Variants in ADCY8 observed in about 807,000 individuals in gnomAD.
The protein encoded by ADCY8 is adenylate cyclase type 8.
Under a neutral mutation model 119.7 loss-of-function variants are expected in ADCY8, and 51 were observed. That is an observed-to-expected ratio of 0.43 (90% CI 0.34 to 0.54). ADCY8 has a LOEUF of 0.54. Among genes scored for constraint, ADCY8 ranks in the 20% least tolerant of loss-of-function variants. ADCY8 has a pLI of 0.03. For synonymous variants in ADCY8, 665 were observed against 651.0 expected (o/e 1.02, Z -0.33); for missense variants, 1,383 against 1,598.8 (o/e 0.87, Z 2.30).
chr8:130,939,095 T>TG (rs955426240), intron 4 of ADCY8, among the ~76,000 whole-genome samples: 1 of 122,802 alleles, frequency 8.1e-6, no homozygotes, highest in African/African-American at 3.0e-5. Flanking sequence ...TAGGGTACAT[T>TG]TTTTTTTTTT....
intron 2 of ADCY8, among the ~76,000 whole-genome samples, chr8:130,964,184 C>G (rs1821693350): frequency 6.6e-6 from 1 of 152,256 alleles, no homozygotes. Context: ...GTGGTAGACG[C>G]TCTCTTGGCT....
At chr8:131,038,029 G>A in intron 1 of ADCY8, among the ~76,000 whole-genome samples, 1 of 152,094 alleles carries the variant, frequency 6.6e-6, no homozygotes, top group East Asian at 1.9e-4. Flanking sequence ...TTTACCCAGA[G>A]AGACTTCAGA....
At chr8:131,018,288 T>C (rs1316215732) in intron 1 of ADCY8, among the ~76,000 whole-genome samples, 2 of 152,222 alleles carry the variant, frequency 1.3e-5, no homozygotes, top group African/African-American at 4.8e-5. Context: ...AATGCTCGTA[T>C]TCAACTTTAT....
intron 16 of ADCY8, among the ~76,000 whole-genome samples, chr8:130,784,620 G>T (rs1003465457): frequency 3.9e-5 from 6 of 152,180 alleles, no homozygotes; most frequent in African/African-American, 1.4e-4. Flanking sequence ...AAATGAATGG[G>T]CATGGCTGTT....
At chr8:130,930,492 C>A (rs1186200474) in intron 5 of ADCY8, among the ~76,000 whole-genome samples, 1 of 152,074 alleles carries the variant, frequency 6.6e-6, no homozygotes, top group Non-Finnish European at 1.5e-5. Flanking sequence ...ACCTCACGAT[C>A]CACCCACCTC....
chr8:130,984,099 G>A (rs140584352), intron 2 of ADCY8, among the ~76,000 whole-genome samples: 5 of 148,688 alleles, frequency 3.4e-5, no homozygotes, highest in African/African-American at 1.0e-4. Context: ...GAGCCTGCAT[G>A]GGTGGGCTCC....
intron 2 of ADCY8, among the ~76,000 whole-genome samples, chr8:130,960,067 G>C (rs1020367330): frequency 6.6e-6 from 1 of 152,188 alleles, no homozygotes; most frequent in Non-Finnish European, 1.5e-5. Flanking sequence ...AATGGTTAAT[G>C]TAATCATCCA....
chr8:130,788,899 A>G (rs1815339791), intron 15 of ADCY8, among the ~76,000 whole-genome samples: 1 of 152,218 alleles, frequency 6.6e-6, no homozygotes, highest in East Asian at 1.9e-4. Context: ...AAATTACACT[A>G]AGTGAAAGAA....
intron 5 of ADCY8, among the ~76,000 whole-genome samples, chr8:130,932,256 C>T (rs2130612429): frequency 6.6e-6 from 1 of 152,260 alleles, no homozygotes; most frequent in African/African-American, 2.4e-5. Context: ...ATGTCCAGAG[C>T]CCAGGTCCAC....
chr8:131,010,156 C>A (rs527762303), intron 1 of ADCY8, among the ~76,000 whole-genome samples: 101 of 152,256 alleles, frequency 6.6e-4, no homozygotes, highest in Non-Finnish European at 7.4e-4. Context: ...GTCAATATGT[C>A]CAATTCTGAA....
chr8:130,925,705 G>A (rs1820445224), intron 5 of ADCY8, among the ~76,000 whole-genome samples: 1 of 152,218 alleles, frequency 6.6e-6, no homozygotes, highest in Non-Finnish European at 1.5e-5. Flanking sequence ...AATTCTTGGA[G>A]TAGTCAATTG....
At chr8:130,961,176 C>T (rs577721574) in intron 2 of ADCY8, among the ~76,000 whole-genome samples, 2 of 152,244 alleles carry the variant, frequency 1.3e-5, no homozygotes, top group East Asian at 3.9e-4. Context: ...GTGGCGAGAT[C>T]TTGGTTCACT....
intron 11 of ADCY8, among the ~76,000 whole-genome samples, chr8:130,846,710 GTCCTTCCTTCCCCTTCCT>G (rs1250693455): frequency 5.1e-5 from 5 of 97,630 alleles, no homozygotes; most frequent in South Asian, 3.6e-4. Context: ...ACTACCTTCC[GTCCTTCCTTCCCCTTCCT>G]TCCTTCCTTC....
chr8:131,011,888 G>A (rs1823318056), intron 1 of ADCY8, among the ~76,000 whole-genome samples: 1 of 152,136 alleles, frequency 6.6e-6, no homozygotes, highest in South Asian at 2.1e-4. Context: ...ACTCCCTGAG[G>A]ATGGGTTGTC....
intron 1 of ADCY8, among the ~76,000 whole-genome samples, chr8:131,029,640 A>T (rs1382345732): frequency 6.6e-6 from 1 of 152,220 alleles, no homozygotes; most frequent in Non-Finnish European, 1.5e-5. Context: ...GTCTTAACTT[A>T]AATGATCTGG....
chr8:130,913,853 G>T (rs917173921), intron 5 of ADCY8, among the ~76,000 whole-genome samples: 1 of 152,112 alleles, frequency 6.6e-6, no homozygotes, highest in Non-Finnish European at 1.5e-5. Context: ...AGACTTTAGT[G>T]CTAGACAGCC....
chr8:130,984,021 T>A (rs1447597712), intron 2 of ADCY8, among the ~76,000 whole-genome samples: 1 of 152,184 alleles, frequency 6.6e-6, no homozygotes, highest in East Asian at 1.9e-4. Flanking sequence ...GCTCACTGCA[T>A]CAGTGGAATC....
chr8:130,825,230 A>G (rs1369173028), intron 12 of ADCY8, among the ~76,000 whole-genome samples: 1 of 152,184 alleles, frequency 6.6e-6, no homozygotes, highest in African/African-American at 2.4e-5. Flanking sequence ...TTAAAAACAT[A>G]CAGTAAATTA....
chr8:130,899,608 T>TAA (rs60734293), intron 7 of ADCY8, among the ~76,000 whole-genome samples: 2 of 123,176 alleles, frequency 1.6e-5, no homozygotes, highest in Admixed American at 8.0e-5. Context: ...TCCATCTCAA[T>TAA]AAAAAAAAAA....
Sources: allele counts gnomAD v4.1 joint callset (sites outside exome capture counted in the v4.1 genomes callset), GRCh38; gene constraint gnomAD v4.1.1; transcripts MANE v1.5; gene names NCBI Gene and HGNC (gene_info 2026-07-23, HGNC 2026-07-21).